Variants in NWD1 observed in about 807,000 individuals in gnomAD.
The protein encoded by NWD1 is NACHT domain- and WD repeat-containing protein 1.
A neutral mutation model predicts 135.1 loss-of-function variants in NWD1; 129 were observed. The observed-to-expected ratio is 0.96, with a 90% CI of 0.83 to 1.11. The LOEUF (loss-of-function observed/expected upper bound fraction) is 1.11. Ranked by LOEUF, NWD1 falls within the 50% of genes least tolerant of loss-of-function variation. The pLI is 0.00. For synonymous variants in NWD1, 773 were observed against 786.0 expected (o/e 0.98, Z 0.28); for missense variants, 1,740 against 1,851.3 (o/e 0.94, Z 1.10).
chr19:16,791,304 C>A, intron 13 of NWD1, 46 bp from the exon 14 acceptor site: 1 of 1,581,890 alleles, frequency 6.3e-7, no homozygotes, highest in Non-Finnish European at 8.6e-7. Flanking sequence ...AACTTGTAGT[C>A]TAGGTCTCCT....
At position 16,766,103 on chromosome 19, in the gene NWD1, A is replaced by G. The variant is rs557782123; in HGVS notation, c.2410+911A>G. ...AAACTCGAGGAAATTATGTAGGTAC[A>G]TATATGATAAGAGAGAAAACAAAGT... is the stretch of plus-strand genomic sequence containing the variant. On this transcript the variant is annotated intron_variant, in intron 10 of 18. Transcript: ENST00000524140. Among the ~76,000 whole-genome samples, 8 of 152,280 alleles carry G rather than the reference A, an allele frequency of 5.3e-5. No individual in the cohort carries two copies. In the East Asian group the frequency reaches 9.6e-4, roughly 18 times the overall value.
intron 12 of NWD1, among the ~76,000 whole-genome samples, chr19:16,783,721 C>T (rs1969942812): frequency 6.7e-6 from 1 of 149,902 alleles, no homozygotes; most frequent in Admixed American, 6.6e-5. Context: ...ATTTAAGACC[C>T]TGTCTCTTAA....
At chr19:16,745,086 G>A in intron 5 of NWD1, 1 of 473,350 alleles carries the variant, frequency 2.1e-6, no homozygotes, top group South Asian at 1.6e-5. Context: ...TGGCTGGGGA[G>A]GCCTCACAAT....
chr19:16,748,928 T>C (rs764713175), intron 5 of NWD1, among the ~76,000 whole-genome samples: 78 of 152,088 alleles, frequency 5.1e-4, no homozygotes, highest in Non-Finnish European at 9.0e-4. Flanking sequence ...AAATGCAAAC[T>C]CCGGGGCCCC....
chr19:16,749,143 T>G lies in NWD1; in HGVS notation c.501T>G (p.Ile167Met), dbSNP rs1049093895. 4 of 1,589,020 alleles carry G rather than the reference T, an allele frequency of 2.5e-6. No homozygotes were observed. The highest frequency in any genetic ancestry group is 3.4e-6 in the Non-Finnish European group (4 of 1,165,086). The change falls in exon 6 of 19, where the codon ATT (isoleucine) becomes ATG (methionine). Residue 167 changes from isoleucine to methionine, a missense_variant. Ile to Met is a conservative substitution (Grantham distance 10). Coordinates refer to ENST00000524140, the MANE Select transcript of NWD1 (RefSeq NM_001007525.5). ...CCACCTTCCCCACTTTGGCAGTCATTGAGTGGGAGATAGAGCGGAGCCTGC... is the reference window on the plus strand; with the variant it reads ...CCACCTTCCCCACTTTGGCAGTCATGGAGTGGGAGATAGAGCGGAGCCTGC... ...EQWQHYHRSV[I>M]EWEIERSLLS...
chr19:16,806,098 C>T (rs1360657228), intron 17 of NWD1, among the ~76,000 whole-genome samples: 1 of 152,104 alleles, frequency 6.6e-6, no homozygotes, highest in African/African-American at 2.4e-5. Flanking sequence ...GTCTCAAACT[C>T]CTGACCTCAG....
chr19:16,813,374 A>G (rs928607741), intron 18 of NWD1, among the ~76,000 whole-genome samples: 1 of 152,140 alleles, frequency 6.6e-6, no homozygotes, highest in African/African-American at 2.4e-5. Context: ...TTAATAGTTT[A>G]TTCCCTAGAA....
chr19:16,764,329 TATCC>T (rs1218125630), intron 9 of NWD1, among the ~76,000 whole-genome samples: 8 of 151,810 alleles, frequency 5.3e-5, no homozygotes, highest in African/African-American at 1.7e-4. Context: ...TTCATCCACC[TATCC>T]ATCCATCCAT....
At chr19:16,814,750 A>G (rs1231375214) in intron 18 of NWD1, among the ~76,000 whole-genome samples, 1 of 152,180 alleles carries the variant, frequency 6.6e-6, no homozygotes, top group Non-Finnish European at 1.5e-5. Context: ...TTCAACAATA[A>G]TATTTACTGA....
chr19:16,791,322 T>C (rs138418866), intron 13 of NWD1, 28 bp from the exon 14 acceptor site: 1 of 1,602,812 alleles, frequency 6.2e-7, no homozygotes, highest in African/African-American at 1.3e-5. Context: ...CCTGCCAAGA[T>C]GCTGCTTCCT....
chr19:16,768,797 G>T (rs1484823616), intron 10 of NWD1, among the ~76,000 whole-genome samples: 1 of 152,192 alleles, frequency 6.6e-6, no homozygotes, highest in South Asian at 2.1e-4. Context: ...TATCCAAAGT[G>T]CTTCCCCATG....
intron 10 of NWD1, among the ~76,000 whole-genome samples, chr19:16,771,831 C>CTTTTTTT (rs529711853): frequency 3.0e-5 from 4 of 133,454 alleles, no homozygotes; most frequent in African/African-American, 8.4e-5. Flanking sequence ...ATCACGAGTC[C>CTTTTTTT]TTTTTTTTTT....
At chr19:16,728,372 T>C in intron 2 of NWD1, among the ~76,000 whole-genome samples, 1 of 149,642 alleles carries the variant, frequency 6.7e-6, no homozygotes, top group East Asian at 2.0e-4. Context: ...ATTACCTCTG[T>C]CTCCCAGGTT....
chr19:16,796,704 C>G (rs1184000503), intron 15 of NWD1, among the ~76,000 whole-genome samples: 1 of 151,976 alleles, frequency 6.6e-6, no homozygotes, highest in Admixed American at 6.6e-5. Context: ...TACTTTTCTT[C>G]CTCTCTACCT....
At chr19:16,734,958 C>T (rs1286922259) in intron 3 of NWD1, among the ~76,000 whole-genome samples, 1 of 151,886 alleles carries the variant, frequency 6.6e-6, no homozygotes, top group African/African-American at 2.4e-5. Flanking sequence ...GAGATGAGGT[C>T]TTGCTACATT....
chr19:16,749,176 A>G lies in NWD1; in HGVS notation c.534A>G (p.Ser178=). Residue 178 remains serine (S), a synonymous_variant, in exon 6 of 19, where the codon TCA becomes TCG. Transcript: ENST00000524140. ...EWEIERSLLS[S]EDREQGATVF... is the part of the protein sequence containing the mutation. ...AGATAGAGCGGAGCCTGCTGAGCTC[A>G]GAGGACCGGGAACAGGGAGCCACCG... 1 of 1,612,614 alleles carries G rather than the reference A, an allele frequency of 6.2e-7. No individual in the cohort carries two copies. The highest frequency in any genetic ancestry group is 8.5e-7 in the Non-Finnish European group (1 of 1,179,254).
intron 4 of NWD1, 86 bp from the exon 5 acceptor site, chr19:16,744,335 C>A: frequency 8.6e-7 from 1 of 1,166,314 alleles, no homozygotes; most frequent in Non-Finnish European, 1.2e-6. Flanking sequence ...CATGGTTGTA[C>A]CACCGCACTC....
intron 12 of NWD1, among the ~76,000 whole-genome samples, chr19:16,786,011 C>T (rs1970028300): frequency 6.6e-6 from 1 of 151,858 alleles, no homozygotes; most frequent in Non-Finnish European, 1.5e-5. Context: ...ATTACAGGCG[C>T]CTGCCACCAC....
intron 15 of NWD1, among the ~76,000 whole-genome samples, chr19:16,796,988 G>A (rs186279375): frequency 4.6e-5 from 7 of 152,160 alleles, no homozygotes; most frequent in Non-Finnish European, 5.9e-5. Flanking sequence ...AGACCAGCTT[G>A]GCCAGCATGG....
Sources: gnomAD v4.1 joint callset for allele counts (sites outside exome capture counted in the v4.1 genomes callset) on GRCh38, gnomAD v4.1.1 for gene constraint, MANE v1.5 for transcripts, NCBI Gene and HGNC (gene_info 2026-07-23, HGNC 2026-07-21) for gene names.